Variants in GRID2 observed in about 807,000 individuals in gnomAD.
GRID2 encodes the protein glutamate ionotropic receptor delta type subunit 2, also known as glutamate receptor ionotropic, delta-2.
In GRID2, 33 loss-of-function variants were observed where a neutral mutation model predicts 114.8. The ratio of observed to expected loss-of-function variants is 0.29; its 90% CI spans 0.22 to 0.38. GRID2 has a LOEUF of 0.38. Among genes scored for constraint, GRID2 ranks in the 10% least tolerant of loss-of-function variants. The pLI is 1.00. For synonymous variants in GRID2, 505 were observed against 449.9 expected, an observed-to-expected ratio of 1.12 and a Z score of -1.55; for missense variants, 1,184 against 1,257.7, an observed-to-expected ratio of 0.94 and a Z score of 0.89.
chr4:93,628,592 A>G (rs1208221919), intron 14 of GRID2, among the ~76,000 whole-genome samples: 1 of 152,164 alleles, frequency 6.6e-6, no homozygotes, highest in Non-Finnish European at 1.5e-5. Context: ...ATGGAAAAGC[A>G]TAATAGAATG....
chr4:92,552,513 T>C (rs1345709645), intron 1 of GRID2, among the ~76,000 whole-genome samples: 2 of 152,172 alleles, frequency 1.3e-5, no homozygotes, highest in Non-Finnish European at 1.5e-5. Flanking sequence ...AAGACAGAGC[T>C]ATTCAAATGA....
At chr4:92,932,535 A>C (rs557188701) in intron 2 of GRID2, among the ~76,000 whole-genome samples, 1 of 151,414 alleles carries the variant, frequency 6.6e-6, no homozygotes, top group East Asian at 1.9e-4. Flanking sequence ...TGTCAATCCT[A>C]AAATCAAGCA....
chr4:92,385,838 T>C (rs1454097249), intron 1 of GRID2, among the ~76,000 whole-genome samples: 7 of 149,882 alleles, frequency 4.7e-5, no homozygotes. Flanking sequence ...ATAGAAAAAA[T>C]ATTTAACTTT....
At chr4:93,264,596 G>C (rs1324560270) in intron 8 of GRID2, among the ~76,000 whole-genome samples, 1 of 150,506 alleles carries the variant, frequency 6.6e-6, no homozygotes. Context: ...GATGACTTTT[G>C]GTTTCTGTGT....
At chr4:92,449,697 A>T (rs1720795048) in intron 1 of GRID2, among the ~76,000 whole-genome samples, 1 of 142,462 alleles carries the variant, frequency 7.0e-6, no homozygotes, top group South Asian at 2.2e-4. Flanking sequence ...ATATATATAT[A>T]TATATATATA....
intron 13 of GRID2, among the ~76,000 whole-genome samples, chr4:93,549,234 A>C (rs915336556): frequency 6.6e-6 from 1 of 152,202 alleles, no homozygotes; most frequent in African/African-American, 2.4e-5. Flanking sequence ...AAGAGTCAAA[A>C]ACTCATCCAA....
chr4:92,754,259 A>G (rs1405442644), intron 2 of GRID2, among the ~76,000 whole-genome samples: 1 of 152,188 alleles, frequency 6.6e-6, no homozygotes. Flanking sequence ...GTGGAAGAAC[A>G]GTTCAGGAGT....
intron 4 of GRID2, among the ~76,000 whole-genome samples, chr4:93,182,440 C>T (rs1458728424): frequency 6.6e-6 from 1 of 152,084 alleles, no homozygotes; most frequent in Non-Finnish European, 1.5e-5. Flanking sequence ...ACTGCATTAT[C>T]AATTCAAATG....
chr4:93,477,380 C>T (rs1725417816), intron 11 of GRID2, among the ~76,000 whole-genome samples: 2 of 152,078 alleles, frequency 1.3e-5, no homozygotes, highest in Admixed American at 1.3e-4. Context: ...ATAGCACTGA[C>T]CCGTTCTGCT....
intron 8 of GRID2, among the ~76,000 whole-genome samples, chr4:93,244,509 T>A (rs546250475): frequency 1.4e-4 from 7 of 49,522 alleles, no homozygotes; most frequent in African/African-American, 4.7e-4. Flanking sequence ...ATAGATTATA[T>A]AATCTATTAA....
chr4:93,711,784 T>A (rs148503428), intron 14 of GRID2, among the ~76,000 whole-genome samples: 256 of 152,304 alleles, frequency 1.7e-3, no homozygotes, highest in Non-Finnish European at 3.1e-3. Context: ...CGGGTGGTGG[T>A]GTAGACAATT....
At chr4:93,075,173 C>T (rs930631883) in intron 2 of GRID2, among the ~76,000 whole-genome samples, 1 of 152,198 alleles carries the variant, frequency 6.6e-6, no homozygotes, top group Non-Finnish European at 1.5e-5. Context: ...AATGCAATTG[C>T]CCATATTAGC....
intron 3 of GRID2, among the ~76,000 whole-genome samples, chr4:93,106,472 A>G (rs941135218): frequency 6.6e-6 from 1 of 151,930 alleles, no homozygotes; most frequent in Non-Finnish European, 1.5e-5. Flanking sequence ...TCAGCCTCCT[A>G]AGTAGCTGGG....
At chr4:93,608,550 G>A (rs1262776436) in intron 13 of GRID2, among the ~76,000 whole-genome samples, 2 of 145,598 alleles carry the variant, frequency 1.4e-5, no homozygotes, top group African/African-American at 5.1e-5. Context: ...CTATGAGTGA[G>A]AATACGCAGT....
At chr4:93,390,819 C>A (rs1407614751) in intron 8 of GRID2, among the ~76,000 whole-genome samples, 1 of 151,632 alleles carries the variant, frequency 6.6e-6, no homozygotes, top group East Asian at 1.9e-4. Context: ...TCAAATATGT[C>A]TATATATAGA....
At chr4:93,263,174 A>C (rs2149552752) in intron 8 of GRID2, among the ~76,000 whole-genome samples, 1 of 152,106 alleles carries the variant, frequency 6.6e-6, no homozygotes, top group Non-Finnish European at 1.5e-5. Context: ...TTTCCATGCC[A>C]AGGATTTTAA....
chr4:92,619,507 A>G (rs1193869813), intron 2 of GRID2, among the ~76,000 whole-genome samples: 1 of 151,562 alleles, frequency 6.6e-6, no homozygotes, highest in African/African-American at 2.4e-5. Context: ...GTTTGTTGAG[A>G]TGTTGGCCTT....
intron 8 of GRID2, among the ~76,000 whole-genome samples, chr4:93,292,245 A>G (rs1753831746): frequency 6.6e-6 from 1 of 152,174 alleles, no homozygotes; most frequent in Non-Finnish European, 1.5e-5. Flanking sequence ...TGGCATAAAT[A>G]TAAGGGGCTG....
intron 2 of GRID2, among the ~76,000 whole-genome samples, chr4:92,986,989 G>A (rs1319331792): frequency 6.6e-6 from 1 of 152,040 alleles, no homozygotes; most frequent in Non-Finnish European, 1.5e-5. Flanking sequence ...GGAGTTAATA[G>A]AAAAATAATG....
Sources: gnomAD v4.1 joint callset for allele counts (sites outside exome capture counted in the v4.1 genomes callset) on GRCh38, gnomAD v4.1.1 for gene constraint, MANE v1.5 for transcripts, NCBI Gene and HGNC (gene_info 2026-07-23, HGNC 2026-07-21) for gene names.